UBE2H: variants seen among roughly 807,000 people sequenced by gnomAD.
UBE2H encodes the protein ubiquitin-conjugating enzyme E2 H.
In UBE2H, 3 loss-of-function variants were observed where a neutral mutation model predicts 29.0. The observed-to-expected ratio is 0.10, with a 90% CI of 0.05 to 0.27. The LOEUF is 0.27. UBE2H is among the 10% of genes least tolerant of loss of function. UBE2H has a pLI of 1.00. For synonymous variants in UBE2H, 69 were observed against 82.9 expected, an observed-to-expected ratio of 0.83 and a Z score of 0.91; for missense variants, 68 against 228.2, an observed-to-expected ratio of 0.30 and a Z score of 4.52.
At chr7:129,884,592 AT>A (rs760022598) in intron 1 of UBE2H, among the ~76,000 whole-genome samples, 12,968 of 133,514 alleles carry the variant, frequency 0.097, 511 homozygotes, top group African/African-American at 0.12. Flanking sequence ...ACGAATTACT[AT>A]TTTTTTTTTT....
intron 1 of UBE2H, among the ~76,000 whole-genome samples, chr7:129,893,878 G>A (rs530244697): frequency 3.0e-4 from 45 of 152,312 alleles, no homozygotes; most frequent in Middle Eastern, 3.4e-3. Context: ...CTACTTTTGG[G>A]CCTGGCACAG....
chr7:129,951,161 T>A (rs1437821755), intron 1 of UBE2H: 3 of 152,244 alleles, frequency 2.0e-5, no homozygotes, highest in East Asian at 1.9e-4. Flanking sequence ...ACTACTTTTT[T>A]AAAACTTCAG....
At chr7:129,849,252 C>T (rs1450512816) in intron 5 of UBE2H, among the ~76,000 whole-genome samples, 3 of 152,118 alleles carry the variant, frequency 2.0e-5, no homozygotes, top group African/African-American at 7.2e-5. Context: ...TTCAAAGAAA[C>T]AGTTTTGAGA....
intron 5 of UBE2H, among the ~76,000 whole-genome samples, chr7:129,843,075 T>G (rs371745119): frequency 7.5e-5 from 11 of 147,190 alleles, no homozygotes; most frequent in African/African-American, 2.8e-4. Flanking sequence ...CTCCACTCAC[T>G]GCAAGCTCCG....
At chr7:129,863,571 T>A (rs1376854561) in intron 3 of UBE2H, among the ~76,000 whole-genome samples, 1 of 152,190 alleles carries the variant, frequency 6.6e-6, no homozygotes, top group African/African-American at 2.4e-5. Context: ...AAGAGTTAAG[T>A]CCTTAAAGGA....
At chr7:129,946,711 TCTCAAACTAAAGTTTGAGAA>T (rs1807773772) in intron 1 of UBE2H, among the ~76,000 whole-genome samples, 1 of 152,222 alleles carries the variant, frequency 6.6e-6, no homozygotes, top group African/African-American at 2.4e-5. Flanking sequence ...AGTGGTGCAA[TCTCAAACTAAAGTTTGAGAA>T]CTACTGTTTA....
chr7:129,891,133 C>CAA (rs200458594), intron 1 of UBE2H, among the ~76,000 whole-genome samples: 9,244 of 146,090 alleles, frequency 0.063, 344 homozygotes, highest in Non-Finnish European at 0.093. Context: ...AAGACTCTCT[C>CAA]AAAAAAAAAA....
chr7:129,900,008 T>C (rs944151523), intron 1 of UBE2H, among the ~76,000 whole-genome samples: 1 of 151,536 alleles, frequency 6.6e-6, no homozygotes, highest in African/African-American at 2.4e-5. Flanking sequence ...CACACAACTG[T>C]AACCCCAGCT....
chr7:129,915,532 T>A (rs1042879541), intron 1 of UBE2H, among the ~76,000 whole-genome samples: 1 of 152,112 alleles, frequency 6.6e-6, no homozygotes, highest in Non-Finnish European at 1.5e-5. Flanking sequence ...AGACTCTGTC[T>A]CAAAAAAATA....
At position 129,837,824 on chromosome 7, in the gene UBE2H, T is replaced by C. The variant is rs78642866; in HGVS notation, c.427+1383A>G. Among the ~76,000 whole-genome samples the C allele has an allele frequency of 1.5e-3, 227 of 152,314 alleles. 3 individuals carry two copies. The East Asian group carries it at 0.02, about 13-fold the overall frequency. ...GAGATTACTAAGGAAGACAAAATGA[T>C]AGCCAACATGAACATTTCCGAAGGC... On this transcript the variant is annotated intron_variant, in intron 6 of 6. Transcript: ENST00000355621.
At chr7:129,861,823 G>A (rs1222094699) in intron 3 of UBE2H, among the ~76,000 whole-genome samples, 2 of 152,070 alleles carry the variant, frequency 1.3e-5, no homozygotes, top group African/African-American at 4.8e-5. Flanking sequence ...CCTGGGAGGT[G>A]GCTGCAGTGA....
rs1300986368 is a variant in UBE2H, at chr7:129,831,686, C to T, written c.*3251G>A. 1.3e-5 allele frequency: 2 copies of T among 152,180 alleles called. No individual in the cohort carries two copies. The highest frequency in any genetic ancestry group is 4.1e-4 in the South Asian group (2 of 4,828). 9.4% of individuals were successfully genotyped at this position (152,180 alleles called of 1,614,324 possible). A position where few individuals can be genotyped will look rare whatever the true frequency, so the allele number is the denominator to read the frequency against. ...ATGCTGGTTGAAACTGCACAGTAAC[C>T]TCAAGGAGGGTGATGAAATTGACGA... On this transcript the variant is annotated 3_prime_UTR_variant, in exon 7 of 7. Coordinates refer to ENST00000355621, the MANE Select transcript of UBE2H (RefSeq NM_003344.4).
At chr7:129,891,409 A>G (rs1421874880) in intron 1 of UBE2H, among the ~76,000 whole-genome samples, 1 of 152,114 alleles carries the variant, frequency 6.6e-6, no homozygotes, top group South Asian at 2.1e-4. Context: ...GGGAAGGGAC[A>G]TTACCTCACT....
At chr7:129,836,911 A>G (rs1020092864) in intron 6 of UBE2H, among the ~76,000 whole-genome samples, 7 of 142,068 alleles carry the variant, frequency 4.9e-5, no homozygotes, top group African/African-American at 7.8e-5. Flanking sequence ...AAAAAAAAAA[A>G]GGAGTAAGGG....
intron 3 of UBE2H, among the ~76,000 whole-genome samples, chr7:129,860,184 G>T (rs1805774593): frequency 1.3e-5 from 2 of 152,070 alleles, no homozygotes; most frequent in African/African-American, 2.4e-5. Flanking sequence ...AGAAAACAGG[G>T]GATAAGAATA....
chr7:129,896,061 G>T (rs1806593878), intron 1 of UBE2H, among the ~76,000 whole-genome samples: 1 of 152,008 alleles, frequency 6.6e-6, no homozygotes, highest in South Asian at 2.1e-4. Flanking sequence ...ATCTTGGCTG[G>T]GCGTCGTGGC....
At chr7:129,952,433 TC>T (rs2116547547) in intron 1 of UBE2H, 69 bp downstream of exon 1, 2 of 1,576,690 alleles carry the variant, frequency 1.3e-6, no homozygotes, top group East Asian at 4.6e-5. Flanking sequence ...TTGCAGTGGT[TC>T]CGGGGGTGCC....
At chr7:129,876,763 TAAG>T (rs533894756) in intron 3 of UBE2H, among the ~76,000 whole-genome samples, 353 of 152,298 alleles carry the variant, frequency 2.3e-3, no homozygotes, top group Non-Finnish European at 4.2e-3. Context: ...ATCATAAGAA[TAAG>T]TTCATAACCT....
intron 5 of UBE2H, chr7:129,839,717 G>GTT (rs112018420): frequency 6.5e-4 from 144 of 222,882 alleles, no homozygotes; most frequent in Middle Eastern, 1.8e-3. Context: ...TTTTTTGTTT[G>GTT]TTTTTTTTTT....
Sources: allele counts gnomAD v4.1 joint callset (sites outside exome capture counted in the v4.1 genomes callset), GRCh38; gene constraint gnomAD v4.1.1; transcripts MANE v1.5; gene names NCBI Gene and HGNC (gene_info 2026-07-23, HGNC 2026-07-21).